Variants in IL16 observed in about 807,000 individuals in gnomAD.
IL16 encodes the protein interleukin 16, also known as pro-interleukin-16.
A neutral mutation model predicts 110.1 loss-of-function variants in IL16; 67 were observed. The observed-to-expected ratio is 0.61, with a 90% confidence interval of 0.50 to 0.75. The LOEUF is 0.75. Ranked by LOEUF, IL16 falls within the 30% of genes least tolerant of loss-of-function variation. IL16 has a pLI of 0.00. For synonymous variants in IL16, 689 were observed against 662.9 expected (o/e 1.04, Z -0.61); for missense variants, 1,545 against 1,655.0 (o/e 0.93, Z 1.15).
Position 81,305,944 on chromosome 15 carries a change from G to A in IL16, c.3457G>A (p.Glu1153Lys). The change falls in exon 17 of 19, where the codon GAA (glutamate) becomes AAA (lysine). Residue 1153 changes from glutamate to lysine, a missense_variant. This residue lies in a region of IL16 where 356 missense variants were observed against 399.3 expected (regional missense o/e 0.89). Coordinates refer to ENST00000683961, the MANE Select transcript of IL16 (RefSeq NM_172217.5). ...GTTTCCAAATGGGCTGGCCTCCCAG[G>A]AAGGGACTATTCAGAAGGGCAATGA... ...RVFPNGLASQ[E>K]GTIQKGNEVL... 1 of 1,614,224 alleles carries A rather than the reference G, an allele frequency of 6.2e-7. No homozygotes were observed. The highest frequency in any genetic ancestry group is 8.5e-7 in the Non-Finnish European group (1 of 1,180,046).
At chr15:81,262,053 G>C (rs1596005665) in intron 3 of IL16, among the ~76,000 whole-genome samples, 3 of 152,244 alleles carry the variant, frequency 2.0e-5, no homozygotes, top group East Asian at 3.9e-4. Flanking sequence ...GCAACAGAGT[G>C]AGAGCCTGTC....
chr15:81,200,482 C>A (rs959005473), intron 1 of IL16, among the ~76,000 whole-genome samples: 1 of 152,072 alleles, frequency 6.6e-6, no homozygotes, highest in Admixed American at 6.5e-5. Context: ...TGATTCTCCC[C>A]CTTCAGCCTC....
rs1033694248 is a variant in IL16, at chr15:81,300,056, A to G, written c.2730A>G (p.Ala910=). 3 of 1,566,616 alleles carry G rather than the reference A, an allele frequency of 1.9e-6. No individual in the cohort carries two copies. The African/African-American group carries it at 4.1e-5, about 21-fold the overall frequency. Residue 910 remains alanine (A), a synonymous_variant, in exon 14 of 19, where the codon GCA becomes GCG. Transcript: ENST00000683961. ...AAGTACTGTCCTCGGGGTCCCCTGC[A>G]GCCTCCGAGGCCAGAGACCCAGGTG... ...PEQVLSSGSP[A]ASEARDPGVS... is the part of the protein sequence containing the mutation.
chr15:81,207,036 A>G (rs1286553290), intron 1 of IL16, among the ~76,000 whole-genome samples: 1 of 151,800 alleles, frequency 6.6e-6, no homozygotes, highest in Admixed American at 6.6e-5. Context: ...GATCAAGACC[A>G]TCCTGGCTAA....
chr15:81,247,646 G>A (rs996794433), intron 2 of IL16, among the ~76,000 whole-genome samples: 2 of 152,048 alleles, frequency 1.3e-5, no homozygotes, highest in Non-Finnish European at 2.9e-5. Context: ...ACATTGCTAT[G>A]GTGTGTGTGT....
At chr15:81,305,405 T>G (rs1474815030) in intron 16 of IL16, among the ~76,000 whole-genome samples, 2 of 152,214 alleles carry the variant, frequency 1.3e-5, no homozygotes, top group Non-Finnish European at 2.9e-5. Flanking sequence ...GGCTCATACC[T>G]GTAATTCCAA....
At chr15:81,213,031 C>G (rs979553862) in intron 1 of IL16, among the ~76,000 whole-genome samples, 1 of 152,124 alleles carries the variant, frequency 6.6e-6, no homozygotes, top group African/African-American at 2.4e-5. Context: ...GGGCTCTAAA[C>G]TTTCCTCCTA....
At chr15:81,298,774 G>A (rs1900116791) in intron 13 of IL16, among the ~76,000 whole-genome samples, 1 of 152,228 alleles carries the variant, frequency 6.6e-6, no homozygotes, top group Non-Finnish European at 1.5e-5. Flanking sequence ...CACGGCTTCA[G>A]GGCCAGGCAG....
In IL16 at chr15:81,197,788, A is replaced by G. The variant is rs12906251; in HGVS notation, c.-102+636A>G. On this transcript the variant is annotated intron_variant, in intron 1 of 18. Coordinates refer to ENST00000683961, the MANE Select transcript of IL16 (RefSeq NM_172217.5). ...CTTTCTGTAGCTGGAGAATGAGGTA[A>G]CAGCATAAGAATAGAGGTTCCCTGT... is the stretch of plus-strand genomic sequence containing the variant. Among the ~76,000 whole-genome samples, 1,068 of 152,028 alleles carry G rather than the reference A, an allele frequency of 7.0e-3. 10 individuals are homozygous for G. Among genetic ancestry groups the G allele is most frequent in the Non-Finnish European group, 0.012 (830 of 67,956 alleles).
chr15:81,299,550 G>A lies in IL16; in HGVS notation c.2224G>A (p.Ala742Thr). ...TGGCCACATGCCTCTACAGCCCAAT[G>A]CCAGCCTGAATGAAGAAGAAGGGAC... ...NHGHMPLQPNASLNEEEGTQG... is the reference protein window; with the variant it reads ...NHGHMPLQPNTSLNEEEGTQG... Residue 742 changes from alanine to threonine, a missense_variant, in exon 14 of 19, where the codon GCC becomes ACC. Around this residue, in one of 3 missense-constraint regions of IL16, gnomAD observed 1,185 missense variants for 1,238.8 expected, o/e 0.96. Transcript: ENST00000683961. 1 of 1,614,174 alleles carries A rather than the reference G, an allele frequency of 6.2e-7. No homozygotes were observed. The highest frequency in any genetic ancestry group is 8.5e-7 in the Non-Finnish European group (1 of 1,180,030).
rs779730435 is a variant in IL16 at position 81,300,214 on chromosome 15, G to A, written c.2888G>A (p.Arg963Gln). The A allele has an allele frequency of 5.0e-5, 81 of 1,614,088 alleles. No homozygotes were observed. The Admixed American group carries it at 5.3e-4, about 11-fold the overall frequency. The change falls in exon 14 of 19, where the codon CGA becomes CAA. Residue 963 changes from arginine to glutamine, a missense_variant. By Grantham distance (43) the Arg-to-Gln change is conservative (BLOSUM62 1). Coordinates refer to ENST00000683961, the MANE Select transcript of IL16 (RefSeq NM_172217.5). Reference sequence around the variant, plus strand: ...CCAGTGCTCAAGATGCCTAGCCAGCGAGCACGGAGCTTCCCCCTGACCAGG... The same window carrying A: ...CCAGTGCTCAAGATGCCTAGCCAGCAAGCACGGAGCTTCCCCCTGACCAGG... ...QGPVLKMPSQ[R>Q]ARSFPLTRSQ...
At chr15:81,225,788 T>G in intron 2 of IL16, 77 bp downstream of exon 2, 2 of 1,275,618 alleles carry the variant, frequency 1.6e-6, no homozygotes, top group Non-Finnish European at 2.1e-6. Flanking sequence ...TTGAATCCAT[T>G]TATTCAAAAA....
chr15:81,292,440 T>C (rs759733420), intron 11 of IL16, 116 bp from the exon 12 acceptor site: 2 of 1,448,434 alleles, frequency 1.4e-6, no homozygotes, highest in Admixed American at 1.7e-5. Flanking sequence ...TGACTTCAGA[T>C]AAGAAGCAGA....
chr15:81,201,823 A>G (rs952031446), intron 1 of IL16, among the ~76,000 whole-genome samples: 7 of 152,312 alleles, frequency 4.6e-5, no homozygotes, highest in East Asian at 3.9e-4. Flanking sequence ...AGACACACAC[A>G]CGCGCACACA....
intron 2 of IL16, among the ~76,000 whole-genome samples, chr15:81,248,165 CTATTA>C (rs1264823127): frequency 3.3e-5 from 5 of 152,072 alleles, no homozygotes; most frequent in Non-Finnish European, 5.9e-5. Flanking sequence ...GAGTTTATCT[CTATTA>C]TTTTTGTTTG....
intron 1 of IL16, among the ~76,000 whole-genome samples, chr15:81,221,758 C>T (rs2142024820): frequency 6.6e-6 from 1 of 152,258 alleles, no homozygotes; most frequent in Admixed American, 6.5e-5. Flanking sequence ...TAATGCCTTG[C>T]CCCCTGGTTC....
chr15:81,297,816 G>A (rs1018121682), intron 13 of IL16, among the ~76,000 whole-genome samples: 3 of 152,162 alleles, frequency 2.0e-5, no homozygotes, highest in Admixed American at 2.0e-4. Context: ...ATGAGACCAG[G>A]TAGTCAGGTC....
At chr15:81,242,599 C>T (rs1567014500) in intron 2 of IL16, among the ~76,000 whole-genome samples, 1 of 152,166 alleles carries the variant, frequency 6.6e-6, no homozygotes, top group Non-Finnish European at 1.5e-5. Flanking sequence ...CTATGAATTA[C>T]TGAAACTCAT....
At chr15:81,255,982 T>C (rs1382996481) in intron 2 of IL16, among the ~76,000 whole-genome samples, 4 of 152,226 alleles carry the variant, frequency 2.6e-5, no homozygotes, top group Non-Finnish European at 5.9e-5. Flanking sequence ...ATTCTAAAAG[T>C]AGTATATTCT....
Sources: gnomAD v4.1 joint callset for allele counts (sites outside exome capture counted in the v4.1 genomes callset) on GRCh38, gnomAD v4.1.1 for gene constraint, gnomAD v4.1.1 regional missense constraint, MANE v1.5 for transcripts, NCBI Gene and HGNC (gene_info 2026-07-23, HGNC 2026-07-21) for gene names.